Variants in SNX29 observed in about 807,000 individuals in gnomAD.
The protein encoded by SNX29 is sorting nexin-29.
SNX29 carries 78 observed loss-of-function variants against 102.1 expected under a neutral mutation model. The ratio of observed to expected loss-of-function variants is 0.76; its 90% CI spans 0.64 to 0.92. The LOEUF is 0.92. SNX29 is among the 40% of genes least tolerant of loss of function. SNX29 has a pLI of 0.00. For synonymous variants in SNX29, 580 were observed against 414.5 expected (o/e 1.40, Z -4.85); for missense variants, 1,280 against 1,061.7 (o/e 1.21, Z -2.86).
intron 19 of SNX29, among the ~76,000 whole-genome samples, chr16:12,515,971 T>C (rs2151935085): frequency 6.6e-6 from 1 of 152,128 alleles, no homozygotes; most frequent in East Asian, 1.9e-4. Flanking sequence ...GGCTACATGC[T>C]CCCAGAGAAA....
chr16:12,188,619 T>C (rs1258574865), intron 13 of SNX29, among the ~76,000 whole-genome samples: 1 of 152,202 alleles, frequency 6.6e-6, no homozygotes, highest in Non-Finnish European at 1.5e-5. Context: ...GGATATGCAA[T>C]ACAGGGGCCA....
chr16:12,052,169 G>T lies in SNX29; in HGVS notation c.1071G>T (p.Val357=). The part of the protein sequence containing the change: ...DEDVDENEDD[V]YGNSSGRKHR... The stretch of plus-strand genomic sequence containing the variant: ...ATGTGGATGAAAACGAAGATGACGT[G>T]TATGGAAACTCATCAGGAAGGAAGC... Residue 357 remains valine (V), a synonymous_variant, in exon 8 of 21, where the codon GTG becomes GTT. Coordinates refer to ENST00000566228, the MANE Select transcript of SNX29 (RefSeq NM_032167.5). 2 of 1,613,938 alleles carry T rather than the reference G, an allele frequency of 1.2e-6. No homozygotes were observed. The highest frequency in any genetic ancestry group is 1.7e-4 in the Middle Eastern group (1 of 6,056).
At chr16:12,431,434 C>CTTCTTTTTTTTTTTTTTTT (rs779738786) in intron 18 of SNX29, among the ~76,000 whole-genome samples, 5 of 136,950 alleles carry the variant, frequency 3.7e-5, no homozygotes, top group Admixed American at 7.3e-5. Flanking sequence ...TCTTCTTCTT[C>CTTCTTTTTTTTTTTTTTTT]TTTTTTTTTT....
chr16:12,473,479 C>G (rs1398668802), intron 18 of SNX29, among the ~76,000 whole-genome samples: 1 of 152,136 alleles, frequency 6.6e-6, no homozygotes, highest in Non-Finnish European at 1.5e-5. Context: ...CATTGCTGGC[C>G]TGGGGTTCCT....
At chr16:12,144,841 C>T (rs968187982) in intron 13 of SNX29, among the ~76,000 whole-genome samples, 1 of 152,202 alleles carries the variant, frequency 6.6e-6, no homozygotes, top group African/African-American at 2.4e-5. Context: ...CCTGCCTCAG[C>T]CTCCCCAGTA....
chr16:12,474,560 A>G (rs2087503557), intron 18 of SNX29, among the ~76,000 whole-genome samples: 1 of 152,180 alleles, frequency 6.6e-6, no homozygotes, highest in Non-Finnish European at 1.5e-5. Context: ...GGGAGCAAAA[A>G]CAGTGGGCTC....
At chr16:12,145,146 A>G (rs1343565503) in intron 13 of SNX29, among the ~76,000 whole-genome samples, 2 of 151,932 alleles carry the variant, frequency 1.3e-5, no homozygotes, top group African/African-American at 4.8e-5. Flanking sequence ...GTGGGATTCT[A>G]CCATGGAATT....
rs528118521 is a variant in SNX29 at position 12,056,852 on chromosome 16, C to T, written c.1124+4630C>T. On this transcript the variant is annotated intron_variant, in intron 8 of 20. Transcript: ENST00000566228. ...CTTTGTTTGTTTTTTTGAGACAGGT[C>T]TTGCTCTGTCATCCAGGCTGGAGTG... 2.6e-5 allele frequency among the ~76,000 whole-genome samples: 4 copies of T among 152,038 alleles called. No individual in the cohort carries two copies. The South Asian group carries it at 8.3e-4, about 32-fold the overall frequency.
At chr16:12,316,124 C>G (rs904116948) in intron 15 of SNX29, among the ~76,000 whole-genome samples, 9 of 152,292 alleles carry the variant, frequency 5.9e-5, no homozygotes, top group Middle Eastern at 3.4e-3. Flanking sequence ...GGGAGCATCC[C>G]AGGCAGAGAG....
At chr16:12,029,150 G>A (rs2057274369) in intron 4 of SNX29, among the ~76,000 whole-genome samples, 1 of 151,762 alleles carries the variant, frequency 6.6e-6, no homozygotes, top group Non-Finnish European at 1.5e-5. Context: ...CGGGGCTAGG[G>A]TAAGTTCAGA....
chr16:12,427,789 T>C (rs1157275823), intron 18 of SNX29, among the ~76,000 whole-genome samples: 1 of 152,242 alleles, frequency 6.6e-6, no homozygotes, highest in African/African-American at 2.4e-5. Flanking sequence ...CACAGAGCCC[T>C]GATGTGTCTT....
intron 18 of SNX29, among the ~76,000 whole-genome samples, chr16:12,446,976 C>G (rs1316928044): frequency 6.6e-6 from 1 of 151,248 alleles, no homozygotes; most frequent in Admixed American, 6.6e-5. Context: ...ACCAGCCTGA[C>G]CAACATGGTG....
At chr16:12,539,329 C>T (rs911373008) in intron 20 of SNX29, among the ~76,000 whole-genome samples, 6 of 151,668 alleles carry the variant, frequency 4.0e-5, no homozygotes, top group Admixed American at 2.0e-4. Flanking sequence ...TTTGTCTTTT[C>T]AAGAATGTCA....
intron 14 of SNX29, among the ~76,000 whole-genome samples, chr16:12,273,380 T>C (rs1163015376): frequency 1.3e-5 from 2 of 151,828 alleles, no homozygotes; most frequent in African/African-American, 4.8e-5. Flanking sequence ...GTTTTTGAGA[T>C]GGAGTTTTCC....
At chr16:12,396,612 G>A (rs984391473) in intron 16 of SNX29, among the ~76,000 whole-genome samples, 4 of 152,150 alleles carry the variant, frequency 2.6e-5, no homozygotes, top group Admixed American at 2.0e-4. Flanking sequence ...TCCTCCACAT[G>A]GATGAAAAGA....
chr16:12,300,033 G>C (rs1479276775), intron 15 of SNX29, among the ~76,000 whole-genome samples: 1 of 152,058 alleles, frequency 6.6e-6, no homozygotes, highest in African/African-American at 2.4e-5. Context: ...ACCACGCCTG[G>C]CTAATTTTTT....
chr16:12,311,540 C>T (rs2080547574), intron 15 of SNX29, among the ~76,000 whole-genome samples: 1 of 152,246 alleles, frequency 6.6e-6, no homozygotes, highest in African/African-American at 2.4e-5. Flanking sequence ...CTTGCAGCTC[C>T]CTCTGCCTGA....
chr16:12,538,879 G>A (rs993139981), intron 20 of SNX29, among the ~76,000 whole-genome samples: 11 of 149,380 alleles, frequency 7.4e-5, no homozygotes, highest in African/African-American at 2.8e-4. Context: ...GGGGCCATTT[G>A]TACACTTGCA....
chr16:12,566,374 A>G (rs907223286), intron 20 of SNX29, among the ~76,000 whole-genome samples: 15 of 151,746 alleles, frequency 9.9e-5, no homozygotes, highest in African/African-American at 3.6e-4. Flanking sequence ...CTCCCAACCA[A>G]CAAGGCACTG....
Sources: allele counts gnomAD v4.1 joint callset (sites outside exome capture counted in the v4.1 genomes callset), GRCh38; gene constraint gnomAD v4.1.1; transcripts MANE v1.5; gene names NCBI Gene and HGNC (gene_info 2026-07-23, HGNC 2026-07-21).